The following COG5 variants were observed in gnomAD, a reference collection of about 807,000 sequenced individuals.
COG5 encodes component of oligomeric golgi complex 5, also known as conserved oligomeric Golgi complex subunit 5.
In COG5, 86 loss-of-function variants were observed where a neutral mutation model predicts 110.4. The observed-to-expected ratio is 0.78, with a 90% confidence interval of 0.65 to 0.93. COG5 has a LOEUF of 0.93. COG5 is among the 40% of genes least tolerant of loss of function. The pLI, the probability that COG5 is intolerant of heterozygous loss-of-function variation, is 0.00. For missense variants in COG5, 1,077 were observed against 987.0 expected, an observed-to-expected ratio of 1.09 and a Z score of -1.22; for synonymous variants, 360 against 334.6, an observed-to-expected ratio of 1.08 and a Z score of -0.83.
chr7:107,562,815 T>C (rs909469832), intron 1 of COG5, among the ~76,000 whole-genome samples: 3 of 152,226 alleles, frequency 2.0e-5, no homozygotes, highest in African/African-American at 7.2e-5. Context: ...GGAACTTTAT[T>C]TCATTTATTA....
At chr7:107,244,787 C>T (rs573239423) in intron 17 of COG5, among the ~76,000 whole-genome samples, 18 of 152,218 alleles carry the variant, frequency 1.2e-4, no homozygotes, top group Non-Finnish European at 2.1e-4. Flanking sequence ...TAATGAGTTC[C>T]GAGTTTGAAT....
At chr7:107,332,986 A>T (rs1016457471) in intron 10 of COG5, among the ~76,000 whole-genome samples, 1 of 152,096 alleles carries the variant, frequency 6.6e-6, no homozygotes, top group Non-Finnish European at 1.5e-5. Context: ...AAGCAATACA[A>T]TTTTTTTGGT....
intron 6 of COG5, among the ~76,000 whole-genome samples, chr7:107,443,168 G>A (rs1213802323): frequency 6.6e-6 from 1 of 152,064 alleles, no homozygotes; most frequent in Non-Finnish European, 1.5e-5. Flanking sequence ...TATATTATCT[G>A]GCAATTACAA....
chr7:107,504,736 A>T (rs1333618620), intron 6 of COG5, among the ~76,000 whole-genome samples: 1 of 152,026 alleles, frequency 6.6e-6, no homozygotes, highest in Non-Finnish European at 1.5e-5. Flanking sequence ...GGAGGGTTGT[A>T]TGTTTCCAGG....
intron 6 of COG5, among the ~76,000 whole-genome samples, chr7:107,451,305 A>C (rs1159566057): frequency 6.6e-6 from 1 of 152,160 alleles, no homozygotes; most frequent in Non-Finnish European, 1.5e-5. Flanking sequence ...CAGTGCCAGA[A>C]GATAAGGAAG....
chr7:107,556,569 C>G (rs1803338410), intron 2 of COG5, among the ~76,000 whole-genome samples: 1 of 152,194 alleles, frequency 6.6e-6, no homozygotes, highest in South Asian at 2.1e-4. Flanking sequence ...CCCCTGAGAA[C>G]TCTAGACAAA....
chr7:107,494,750 A>T (rs1179044691), intron 6 of COG5, among the ~76,000 whole-genome samples: 1 of 152,192 alleles, frequency 6.6e-6, no homozygotes, highest in Non-Finnish European at 1.5e-5. Flanking sequence ...ATTTACTTTT[A>T]ATTATAGAAA....
At chr7:107,440,976 G>A (rs531534419) in intron 6 of COG5, among the ~76,000 whole-genome samples, 11 of 152,148 alleles carry the variant, frequency 7.2e-5, no homozygotes, top group East Asian at 3.9e-4. Context: ...ATCCCAGGCC[G>A]GGCGTGGTGG....
chr7:107,374,266 G>C (rs1431150506), intron 7 of COG5, among the ~76,000 whole-genome samples: 2 of 151,906 alleles, frequency 1.3e-5, no homozygotes, highest in African/African-American at 4.8e-5. Flanking sequence ...CTTTTTAGTA[G>C]ACACCAAAAA....
At chr7:107,349,865 T>C (rs189396694) in intron 10 of COG5, among the ~76,000 whole-genome samples, 25 of 152,186 alleles carry the variant, frequency 1.6e-4, no homozygotes, top group Admixed American at 1.4e-3. Flanking sequence ...GTCTTTTTTG[T>C]ATTTTTAGTG....
chr7:107,425,357 A>C (rs1305732235), intron 6 of COG5, among the ~76,000 whole-genome samples: 1 of 151,868 alleles, frequency 6.6e-6, no homozygotes, highest in Non-Finnish European at 1.5e-5. Context: ...AAAAAAAAAA[A>C]AGATGAGGAA....
intron 6 of COG5, among the ~76,000 whole-genome samples, chr7:107,526,790 G>A (rs187273498): frequency 6.6e-6 from 1 of 152,224 alleles, no homozygotes; most frequent in East Asian, 1.9e-4. Context: ...AGCCTCAAAA[G>A]GTCACCTACT....
intron 10 of COG5, among the ~76,000 whole-genome samples, chr7:107,356,243 T>G (rs1168756226): frequency 6.6e-6 from 1 of 152,200 alleles, no homozygotes; most frequent in Non-Finnish European, 1.5e-5. Flanking sequence ...ACAGAAGCAT[T>G]GAAACCAAAT....
At chr7:107,377,123 G>C (rs1179798670) in intron 7 of COG5, among the ~76,000 whole-genome samples, 1 of 151,970 alleles carries the variant, frequency 6.6e-6, no homozygotes. Flanking sequence ...TCAATTCTTG[G>C]ATACAGTTTA....
intron 6 of COG5, among the ~76,000 whole-genome samples, chr7:107,459,534 C>T (rs752549407): frequency 4.0e-5 from 6 of 151,868 alleles, no homozygotes; most frequent in East Asian, 1.9e-4. Flanking sequence ...TGGTGGCTCA[C>T]GACTGTAATT....
intron 7 of COG5, among the ~76,000 whole-genome samples, chr7:107,393,625 C>T (rs1002990349): frequency 1.3e-5 from 2 of 152,198 alleles, no homozygotes; most frequent in African/African-American, 4.8e-5. Flanking sequence ...ATTCTGTACT[C>T]CCTCCAACAG....
At chr7:107,393,578 T>G (rs1790779381) in intron 7 of COG5, among the ~76,000 whole-genome samples, 1 of 152,206 alleles carries the variant, frequency 6.6e-6, no homozygotes, top group African/African-American at 2.4e-5. Flanking sequence ...AGCTGCTTGG[T>G]GGCAGGCCAG....
intron 21 of COG5, among the ~76,000 whole-genome samples, chr7:107,206,433 T>C (rs760420845): frequency 2.6e-5 from 4 of 152,176 alleles, no homozygotes; most frequent in Non-Finnish European, 4.4e-5. Flanking sequence ...ATGGAGATAT[T>C]TTTCTATGAA....
chr7:107,311,847 T>C (rs1017180964), intron 11 of COG5, among the ~76,000 whole-genome samples: 2 of 152,050 alleles, frequency 1.3e-5, no homozygotes, highest in Non-Finnish European at 2.9e-5. Flanking sequence ...TTTTTTTCCA[T>C]GCAAAAAATT....
Sources: allele counts gnomAD v4.1 joint callset (sites outside exome capture counted in the v4.1 genomes callset), GRCh38; gene constraint gnomAD v4.1.1; transcripts MANE v1.5; gene names NCBI Gene and HGNC (gene_info 2026-07-23, HGNC 2026-07-21).